The following PTPRD variants were observed in gnomAD, a reference collection of about 807,000 sequenced individuals.
PTPRD encodes the protein receptor-type tyrosine-protein phosphatase delta.
In PTPRD, 34 loss-of-function variants were observed where a neutral mutation model predicts 214.5. The ratio of observed to expected loss-of-function variants is 0.16; its 90% CI spans 0.12 to 0.21. The LOEUF is 0.21. PTPRD is among the 10% of genes least tolerant of loss of function. PTPRD has a pLI of 1.00. For synonymous variants in PTPRD, 1,128 were observed against 845.7 expected, an observed-to-expected ratio of 1.33 and a Z score of -5.79; for missense variants, 2,545 against 2,398.7, an observed-to-expected ratio of 1.06 and a Z score of -1.27.
chr9:10,231,366 G>C (rs1022857111), intron 3 of PTPRD, among the ~76,000 whole-genome samples: 2 of 152,000 alleles, frequency 1.3e-5, no homozygotes, highest in African/African-American at 4.8e-5. Flanking sequence ...TTGCAGGAAG[G>C]GATAATATAG....
intron 7 of PTPRD, among the ~76,000 whole-genome samples, chr9:9,700,884 A>G (rs573183572): frequency 6.6e-6 from 1 of 152,284 alleles, no homozygotes; most frequent in South Asian, 2.1e-4. Flanking sequence ...ATAACTGACA[A>G]TCTAACAGAA....
At chr9:9,574,831 T>C (rs950761368) in intron 7 of PTPRD, 50 bp from the exon 8 acceptor site, 5 of 152,130 alleles carry the variant, frequency 3.3e-5, no homozygotes, top group Non-Finnish European at 7.4e-5. Context: ...GTGTTCAATT[T>C]AAATTAAAGA....
chr9:10,308,373 A>G (rs2154415153), intron 3 of PTPRD, among the ~76,000 whole-genome samples: 1 of 152,148 alleles, frequency 6.6e-6, no homozygotes, highest in East Asian at 1.9e-4. Context: ...TTTGGCTATA[A>G]ATACATAAAT....
At chr9:9,377,412 A>G (rs2061079513) in intron 9 of PTPRD, among the ~76,000 whole-genome samples, 1 of 152,122 alleles carries the variant, frequency 6.6e-6, no homozygotes. Context: ...AATATTTGTC[A>G]GCAAGTGAGG....
intron 14 of PTPRD, among the ~76,000 whole-genome samples, chr9:8,601,309 T>G (rs1391484145): frequency 6.6e-6 from 1 of 152,210 alleles, no homozygotes; most frequent in East Asian, 1.9e-4. Flanking sequence ...GCCACAAGCC[T>G]GGCAGAACTC....
chr9:9,762,671 T>C (rs913337389), intron 6 of PTPRD, among the ~76,000 whole-genome samples: 4 of 152,240 alleles, frequency 2.6e-5, no homozygotes, highest in African/African-American at 9.6e-5. Flanking sequence ...TACACTGACA[T>C]GATCCTCATT....
chr9:9,507,258 C>T (rs752264436), intron 8 of PTPRD, among the ~76,000 whole-genome samples: 1 of 151,122 alleles, frequency 6.6e-6, no homozygotes, highest in Non-Finnish European at 1.5e-5. Flanking sequence ...ATTAATTTAT[C>T]TATCTATATT....
At chr9:9,807,241 CAAT>C (rs1326794926) in intron 5 of PTPRD, among the ~76,000 whole-genome samples, 42 of 152,230 alleles carry the variant, frequency 2.8e-4, no homozygotes, top group Admixed American at 7.2e-4. Flanking sequence ...AAGCAGGTAA[CAAT>C]CTGAGTGGTG....
At chr9:10,015,485 TCAACTGA>T (rs2096687083) in intron 4 of PTPRD, among the ~76,000 whole-genome samples, 1 of 152,144 alleles carries the variant, frequency 6.6e-6, no homozygotes, top group Non-Finnish European at 1.5e-5. Flanking sequence ...GAAGTTGCAA[TCAACTGA>T]CAATTGAGCT....
chr9:9,683,616 G>A (rs2097114895), intron 7 of PTPRD, among the ~76,000 whole-genome samples: 1 of 151,574 alleles, frequency 6.6e-6, no homozygotes, highest in African/African-American at 2.4e-5. Context: ...GAAAAACACA[G>A]AATGTCAACT....
intron 5 of PTPRD, among the ~76,000 whole-genome samples, chr9:9,848,544 G>C (rs575845451): frequency 1.9e-4 from 29 of 152,174 alleles, no homozygotes; most frequent in African/African-American, 7.0e-4. Context: ...AAGAATTGAA[G>C]ACCTTGTCCA....
At chr9:9,764,958 G>C (rs141577182) in intron 6 of PTPRD, among the ~76,000 whole-genome samples, 1 of 152,274 alleles carries the variant, frequency 6.6e-6, no homozygotes, top group African/African-American at 2.4e-5. Flanking sequence ...ACATCCATGG[G>C]AAACTGAGAT....
At chr9:10,248,108 T>C (rs1461301802) in intron 3 of PTPRD, among the ~76,000 whole-genome samples, 3 of 152,132 alleles carry the variant, frequency 2.0e-5, no homozygotes, top group Non-Finnish European at 2.9e-5. Flanking sequence ...TCCCCAGCCA[T>C]GTGGAACTGT....
At chr9:10,081,685 C>T (rs1310713871) in intron 3 of PTPRD, among the ~76,000 whole-genome samples, 6 of 152,110 alleles carry the variant, frequency 3.9e-5, no homozygotes, top group South Asian at 4.2e-4. Flanking sequence ...TTTGTGATAG[C>T]ACCCCAAGCA....
intron 44 of PTPRD, among the ~76,000 whole-genome samples, chr9:8,329,812 G>A (rs1837930987): frequency 6.6e-6 from 1 of 152,096 alleles, no homozygotes; most frequent in Non-Finnish European, 1.5e-5. Flanking sequence ...TACACTGTGA[G>A]GGTAAAACAA....
intron 4 of PTPRD, among the ~76,000 whole-genome samples, chr9:9,999,284 A>G (rs2154090893): frequency 6.6e-6 from 1 of 152,328 alleles, no homozygotes; most frequent in African/African-American, 2.4e-5. Flanking sequence ...GCAACCCCTG[A>G]AAGCCCAGAG....
chr9:9,960,935 A>G (rs531926644), intron 4 of PTPRD, among the ~76,000 whole-genome samples: 3 of 152,178 alleles, frequency 2.0e-5, no homozygotes, highest in Non-Finnish European at 4.4e-5. Context: ...AATATCCAGA[A>G]TCTACAATGA....
intron 14 of PTPRD, among the ~76,000 whole-genome samples, chr9:8,599,687 G>A (rs1476200845): frequency 4.3e-5 from 6 of 140,188 alleles, no homozygotes; most frequent in South Asian, 2.3e-4. Flanking sequence ...GCAACGGCGC[G>A]ATCACTGCAA....
chr9:8,934,393 A>ACG (rs2098974671), intron 11 of PTPRD, among the ~76,000 whole-genome samples: 4 of 48,214 alleles, frequency 8.3e-5, no homozygotes, highest in African/African-American at 3.2e-4. Flanking sequence ...AATACTAATT[A>ACG]TGTGTGTGTG....
Sources: allele counts gnomAD v4.1 joint callset (sites outside exome capture counted in the v4.1 genomes callset), GRCh38; gene constraint gnomAD v4.1.1; transcripts MANE v1.5; gene names NCBI Gene and HGNC (gene_info 2026-07-23, HGNC 2026-07-21).